The following TLR6 variants were observed in gnomAD, a reference collection of about 807,000 sequenced individuals.
TLR6 encodes toll-like receptor 6.
In TLR6, 9 loss-of-function variants were observed where a neutral mutation model predicts 16.1. The observed-to-expected ratio is 0.56, with a 90% CI of 0.34 to 0.98. The LOEUF (loss-of-function observed/expected upper bound fraction) is 0.98. Ranked by LOEUF, TLR6 falls within the 50% of genes least tolerant of loss-of-function variation. The probability of loss-of-function intolerance (pLI) is 0.02; values close to 1 mark genes in which losing one functional copy is unlikely to be tolerated. For missense variants in TLR6, 786 were observed against 921.0 expected, an observed-to-expected ratio of 0.85 and a Z score of 1.90; for synonymous variants, 340 against 338.6, an observed-to-expected ratio of 1.00 and a Z score of -0.04.
the TLR6 span, chr4:38,867,989 G>T: frequency 1.3e-5 from 5 of 392,218 alleles, no homozygotes; most frequent in African/African-American, 2.1e-5. Flanking sequence ...AGTGGTCAGG[G>T]AGGACCCGGC....
intron 1 of TLR6, among the ~76,000 whole-genome samples, chr4:38,853,191 G>C (rs2109472683): frequency 7.0e-6 from 1 of 142,858 alleles, no homozygotes; most frequent in Non-Finnish European, 1.5e-5. Flanking sequence ...GAGAACTCTT[G>C]GACACAGGAA....
At chr4:38,851,337 C>T (rs1231218247) in intron 1 of TLR6, among the ~76,000 whole-genome samples, 1 of 152,184 alleles carries the variant, frequency 6.6e-6, no homozygotes, top group Non-Finnish European at 1.5e-5. Context: ...GAGATGCCCC[C>T]TCTCACCACT....
upstream of TLR6, among the ~76,000 whole-genome samples, chr4:38,860,533 A>T (rs1579266132): frequency 6.9e-6 from 1 of 144,784 alleles, no homozygotes. Flanking sequence ...TCTCTGCTGA[A>T]TTAAAAAAAA....
intron 1 of TLR6, among the ~76,000 whole-genome samples, chr4:38,845,402 T>C (rs552078188): frequency 2.0e-5 from 3 of 152,378 alleles, no homozygotes; most frequent in Admixed American, 2.0e-4. Context: ...GATGAAATTA[T>C]AGTTGCTAAT....
intron 1 of TLR6, among the ~76,000 whole-genome samples, chr4:38,835,694 T>C (rs771905625): frequency 6.6e-6 from 1 of 152,226 alleles, no homozygotes. Flanking sequence ...GCATGGAACA[T>C]TGTTCAGAAT....
At chr4:38,836,939 C>CAAAAAAAAAAAAAAA (rs61331167) in intron 1 of TLR6, among the ~76,000 whole-genome samples, 1 of 92,616 alleles carries the variant, frequency 1.1e-5, no homozygotes. Context: ...GACTCAGTCT[C>CAAAAAAAAAAAAAAA]AAAAAAAAAA....
At chr4:38,845,948 C>G (rs11933455) in intron 1 of TLR6, among the ~76,000 whole-genome samples, 32,489 of 151,604 alleles carry the variant, frequency 0.21, 4,196 homozygotes, top group Non-Finnish European at 0.28. Context: ...AAAAATTAGC[C>G]GGGTGTGGCA....
downstream of TLR6, among the ~76,000 whole-genome samples, chr4:38,823,323 C>CTA (rs1727399389): frequency 6.6e-6 from 1 of 152,218 alleles, no homozygotes; most frequent in Admixed American, 6.5e-5. Flanking sequence ...AAGCAACAGG[C>CTA]TATACCATAA....
At chr4:38,827,944 T>C in exon 2 of TLR6, 3 of 1,614,146 alleles carry the variant, frequency 1.9e-6, no homozygotes, top group Admixed American at 3.3e-5. Context: ...AATCAGCCGA[T>C]GGGTGGGAAA....
At chr4:38,830,009 C>G (rs755174663) in intron 1 of TLR6, among the ~76,000 whole-genome samples, 1 of 152,218 alleles carries the variant, frequency 6.6e-6, no homozygotes, top group Non-Finnish European at 1.5e-5. Context: ...CTGAGGAAAT[C>G]TCTGTATATA....
exon 2 of TLR6, chr4:38,829,449 C>T (rs1727725967): frequency 1.9e-6 from 3 of 1,612,618 alleles, no homozygotes; most frequent in Non-Finnish European, 2.5e-6. Context: ...AAGCTTTTAA[C>T]AATAGGTTCT....
At chr4:38,842,254 C>T (rs1021673609) in intron 1 of TLR6, among the ~76,000 whole-genome samples, 31 of 152,094 alleles carry the variant, frequency 2.0e-4, no homozygotes, top group African/African-American at 7.5e-4. Flanking sequence ...GGGATCAATC[C>T]TTTTGGGAGG....
At chr4:38,835,298 A>G (rs943902423) in intron 1 of TLR6, among the ~76,000 whole-genome samples, 9 of 152,242 alleles carry the variant, frequency 5.9e-5, no homozygotes, top group Non-Finnish European at 8.8e-5. Context: ...GCTAATGGAA[A>G]CCAAAAGCAA....
chr4:38,846,881 T>C (rs1241906365), intron 1 of TLR6, among the ~76,000 whole-genome samples: 2 of 152,042 alleles, frequency 1.3e-5, no homozygotes, highest in Non-Finnish European at 2.9e-5. Flanking sequence ...TAAGTATATA[T>C]ATTATAAAAT....
At chr4:38,827,548 A>G (rs1255669746) in exon 2 of TLR6, 2 of 1,614,106 alleles carry the variant, frequency 1.2e-6, no homozygotes, top group African/African-American at 2.7e-5. Context: ...TAAAAGCATG[A>G]AACTGGAGGT....
chr4:38,825,724 A>C (rs993108495), exon 2 of TLR6: 4 of 152,172 alleles, frequency 2.6e-5, no homozygotes, highest in African/African-American at 7.2e-5. Flanking sequence ...TTTGCACAAC[A>C]GGCTACCCTG....
chr4:38,830,015 A>G (rs1727750777), intron 1 of TLR6, among the ~76,000 whole-genome samples: 1 of 152,230 alleles, frequency 6.6e-6, no homozygotes, highest in Admixed American at 6.5e-5. Flanking sequence ...AAATCTCTGT[A>G]TATACCAGGG....
At chr4:38,846,236 G>T (rs1401617700) in intron 1 of TLR6, among the ~76,000 whole-genome samples, 2 of 152,138 alleles carry the variant, frequency 1.3e-5, no homozygotes, top group African/African-American at 4.8e-5. Context: ...GCATGATACT[G>T]CAGAAAGCAA....
intron 1 of TLR6, among the ~76,000 whole-genome samples, chr4:38,845,340 C>T (rs1712474839): frequency 6.6e-6 from 1 of 152,114 alleles, no homozygotes; most frequent in East Asian, 1.9e-4. Flanking sequence ...CTTCTAATCC[C>T]CCAACTTGGT....
Sources: allele counts gnomAD v4.1 joint callset (sites outside exome capture counted in the v4.1 genomes callset), GRCh38; gene constraint gnomAD v4.1.1; transcripts MANE v1.5; gene names NCBI Gene and HGNC (gene_info 2026-07-23, HGNC 2026-07-21).